The following HCRTR2 variants were observed in gnomAD, a reference collection of about 807,000 sequenced individuals.
HCRTR2 encodes hypocretin receptor 2.
A neutral mutation model predicts 49.0 loss-of-function variants in HCRTR2; 22 were observed. The observed-to-expected ratio is 0.45, with a 90% CI of 0.32 to 0.64. The LOEUF is 0.64. HCRTR2 is among the 30% of genes least tolerant of loss of function. The probability of loss-of-function intolerance (pLI) is 0.04; values close to 1 mark genes in which losing one functional copy is unlikely to be tolerated. For missense variants in HCRTR2, 491 were observed against 559.4 expected, an observed-to-expected ratio of 0.88 and a Z score of 1.23; for synonymous variants, 236 against 205.3, an observed-to-expected ratio of 1.15 and a Z score of -1.28.
intron 1 of HCRTR2, among the ~76,000 whole-genome samples, chr6:55,135,447 A>C (rs946963943): frequency 1.3e-5 from 2 of 152,060 alleles, no homozygotes; most frequent in Non-Finnish European, 2.9e-5. Context: ...ATCACTACTC[A>C]TCTGTTATGG....
At chr6:55,249,092 A>C (rs2127312382) in intron 2 of HCRTR2, among the ~76,000 whole-genome samples, 2 of 152,190 alleles carry the variant, frequency 1.3e-5, no homozygotes, top group Middle Eastern at 3.4e-3. Context: ...ATTTTGCACA[A>C]ACTTTTTTTA....
intron 1 of HCRTR2, among the ~76,000 whole-genome samples, chr6:55,213,489 A>G (rs540483929): frequency 8.5e-5 from 13 of 152,304 alleles, no homozygotes; most frequent in African/African-American, 3.1e-4. Context: ...CACTGACTCA[A>G]AAATGACAAA....
intron 1 of HCRTR2, among the ~76,000 whole-genome samples, chr6:55,152,149 T>C (rs1407253382): frequency 6.6e-6 from 1 of 152,038 alleles, no homozygotes; most frequent in East Asian, 1.9e-4. Flanking sequence ...GGAATCTTCA[T>C]ACTGCTTTCC....
At chr6:55,183,307 C>G (rs1454476265) in intron 1 of HCRTR2, among the ~76,000 whole-genome samples, 1 of 152,084 alleles carries the variant, frequency 6.6e-6, no homozygotes, top group Non-Finnish European at 1.5e-5. Flanking sequence ...ATTCAAGTTA[C>G]CCAGGTGAAG....
intron 1 of HCRTR2, among the ~76,000 whole-genome samples, chr6:55,135,853 C>G (rs4490666): frequency 1.3e-5 from 2 of 151,914 alleles, no homozygotes; most frequent in South Asian, 2.1e-4. Context: ...CTCTAAGGAC[C>G]GCAGTAGCGT....
chr6:55,155,112 T>C (rs987074363), intron 1 of HCRTR2, among the ~76,000 whole-genome samples: 3 of 151,744 alleles, frequency 2.0e-5, no homozygotes, highest in African/African-American at 7.2e-5. Context: ...CATGCCATGG[T>C]TTGGAAGAAT....
intron 3 of HCRTR2, among the ~76,000 whole-genome samples, chr6:55,257,868 A>G (rs982018663): frequency 6.6e-6 from 1 of 151,936 alleles, no homozygotes; most frequent in African/African-American, 2.4e-5. Context: ...ATTGGACTGA[A>G]TTGATTAGCT....
At chr6:55,208,534 T>A (rs1765644633) in intron 1 of HCRTR2, among the ~76,000 whole-genome samples, 1 of 151,882 alleles carries the variant, frequency 6.6e-6, no homozygotes, top group Non-Finnish European at 1.5e-5. Flanking sequence ...TGCTCATAAA[T>A]GTGCCTCACT....
At chr6:55,173,510 T>C (rs1293389110), upstream of HCRTR2, among the ~76,000 whole-genome samples, 1 of 152,182 alleles carries the variant, frequency 6.6e-6, no homozygotes, top group Non-Finnish European at 1.5e-5. Context: ...ATACTTATTA[T>C]TAGAGACAAA....
At chr6:55,273,786 G>A (rs1405995180) in intron 4 of HCRTR2, among the ~76,000 whole-genome samples, 1 of 151,672 alleles carries the variant, frequency 6.6e-6, no homozygotes, top group Admixed American at 6.6e-5. Context: ...CACTTTGCTA[G>A]GTCTCTTCAC....
upstream of HCRTR2, among the ~76,000 whole-genome samples, chr6:55,173,311 G>A (rs941345309): frequency 1.3e-5 from 2 of 152,166 alleles, no homozygotes; most frequent in African/African-American, 4.8e-5. Flanking sequence ...GTGAATTGTG[G>A]TGGTCACATT....
intron 1 of HCRTR2, among the ~76,000 whole-genome samples, chr6:55,112,709 A>G (rs1352143292): frequency 6.6e-6 from 1 of 152,016 alleles, no homozygotes; most frequent in Non-Finnish European, 1.5e-5. Flanking sequence ...GAAAATGACA[A>G]TACTGCAAAA....
chr6:55,174,577 T>A lies in HCRTR2; in HGVS notation c.-11T>A. On this transcript the variant is annotated 5_prime_UTR_variant, in exon 1 of 7. It adds an upstream start codon to the 5' untranslated region. Transcript: ENST00000370862. ...CTTGCAGCATTGAGCGGAACCGGAC[T>A]TGAGCCCGTGATGTCCGGCACCAAA... The A allele has an allele frequency of 6.2e-7, 1 of 1,610,966 alleles. No homozygotes were observed. Among genetic ancestry groups the A allele is most frequent in the East Asian group, 2.2e-5 (1 of 44,828 alleles).
Position 55,277,481 on chromosome 6 carries a change from T to G in HCRTR2, c.864T>G (p.Ala288=), listed in dbSNP as rs762742308. 2.8e-5 allele frequency: 46 copies of G among 1,614,076 alleles called. No homozygotes were observed. The East Asian group carries it at 9.4e-4, about 33-fold the overall frequency. ...AGCCAACGAAGTCCCGGATGAGCGC[T>G]GTGGCGGCTGAAATAAAGCAGATCC... ...PGQPTKSRMS[A]VAAEIKQIRA... is the part of the protein sequence containing the mutation. Residue 288 remains alanine (A), a synonymous_variant, in exon 5 of 7, where the codon GCT becomes GCG. Coordinates refer to ENST00000370862, the MANE Select transcript of HCRTR2 (RefSeq NM_001384272.1).
chr6:55,226,456 G>A (rs537220503), intron 1 of HCRTR2, among the ~76,000 whole-genome samples: 1 of 152,126 alleles, frequency 6.6e-6, no homozygotes, highest in East Asian at 1.9e-4. Flanking sequence ...TTACAGGCAT[G>A]CACCACCACG....
intron 1 of HCRTR2, among the ~76,000 whole-genome samples, chr6:55,143,170 A>C (rs180830429): frequency 2.1e-5 from 3 of 142,992 alleles, no homozygotes; most frequent in Admixed American, 2.1e-4. Flanking sequence ...TACCAATTAT[A>C]ATATAATTAA....
intron 4 of HCRTR2, among the ~76,000 whole-genome samples, chr6:55,265,622 A>G (rs1428860986): frequency 6.6e-6 from 1 of 152,124 alleles, no homozygotes; most frequent in Non-Finnish European, 1.5e-5. Flanking sequence ...TGAAGAGGGG[A>G]CACATTCTTC....
chr6:55,170,281 A>G (rs1581805369), upstream of HCRTR2, among the ~76,000 whole-genome samples: 1 of 148,696 alleles, frequency 6.7e-6, no homozygotes, highest in East Asian at 1.9e-4. Context: ...ATTTATTTAT[A>G]CATGTAAATG....
At chr6:55,121,778 T>C (rs1764203342) in intron 1 of HCRTR2, among the ~76,000 whole-genome samples, 1 of 152,198 alleles carries the variant, frequency 6.6e-6, no homozygotes, top group Non-Finnish European at 1.5e-5. Context: ...GATTGGTGTA[T>C]GTTGAACCAG....
Sources: gnomAD v4.1 joint callset for allele counts (sites outside exome capture counted in the v4.1 genomes callset) on GRCh38, gnomAD v4.1.1 for gene constraint, MANE v1.5 for transcripts, NCBI Gene and HGNC (gene_info 2026-07-23, HGNC 2026-07-21) for gene names.